EYS: variants seen among roughly 807,000 people sequenced by gnomAD.
The protein encoded by EYS is EGF-like photoreceptor maintenance factor.
Under a neutral mutation model 282.1 loss-of-function variants are expected in EYS, and 250 were observed. That is an observed-to-expected ratio of 0.89 (90% CI 0.80 to 0.98). The LOEUF (loss-of-function observed/expected upper bound fraction) is 0.98, where lower values mean the gene tolerates loss of function less well. EYS is among the 50% of genes least tolerant of loss of function. EYS has a pLI of 0.00. For synonymous variants in EYS, 1,355 were observed against 1,282.9 expected (o/e 1.06, Z -1.20); for missense variants, 4,016 against 3,709.0 (o/e 1.08, Z -2.15).
intron 19 of EYS, among the ~76,000 whole-genome samples, chr6:64,859,429 T>C (rs1284199213): frequency 1.4e-5 from 2 of 146,276 alleles, no homozygotes; most frequent in Non-Finnish European, 3.0e-5. Context: ...ATGAAGGAAT[T>C]GAATAAAACA....
chr6:64,488,204 CA>C (rs1291057666), intron 26 of EYS, among the ~76,000 whole-genome samples: 1 of 150,666 alleles, frequency 6.6e-6, no homozygotes, highest in East Asian at 1.9e-4. Context: ...ATAAATTCAC[CA>C]GAAGAATTTT....
At chr6:65,194,039 C>T (rs571955752) in intron 12 of EYS, among the ~76,000 whole-genome samples, 3 of 152,072 alleles carry the variant, frequency 2.0e-5, no homozygotes, top group African/African-American at 7.2e-5. Context: ...AATTCTTCAT[C>T]TGATGAGATA....
At chr6:64,292,700 C>T (rs1258070582) in intron 30 of EYS, among the ~76,000 whole-genome samples, 1 of 151,964 alleles carries the variant, frequency 6.6e-6, no homozygotes, top group Non-Finnish European at 1.5e-5. Context: ...GTGTTAGTTG[C>T]TTTTTGGAAA....
At chr6:64,059,196 T>C (rs1033303987) in intron 33 of EYS, among the ~76,000 whole-genome samples, 2 of 152,190 alleles carry the variant, frequency 1.3e-5, no homozygotes, top group African/African-American at 4.8e-5. Context: ...ATATTATAGA[T>C]GTACTTGCCA....
intron 1 of EYS, among the ~76,000 whole-genome samples, chr6:65,687,742 T>C (rs991508314): frequency 6.6e-6 from 1 of 152,146 alleles, no homozygotes; most frequent in Non-Finnish European, 1.5e-5. Context: ...AGTCTCAGGA[T>C]ACAAAATCAA....
At chr6:64,749,725 T>C (rs1011149354) in intron 22 of EYS, among the ~76,000 whole-genome samples, 2 of 152,168 alleles carry the variant, frequency 1.3e-5, no homozygotes, top group Non-Finnish European at 2.9e-5. Context: ...TTGAACAACT[T>C]GGACTAGAAA....
intron 12 of EYS, among the ~76,000 whole-genome samples, chr6:65,136,773 C>T (rs1406026765): frequency 6.6e-6 from 1 of 152,074 alleles, no homozygotes; most frequent in Non-Finnish European, 1.5e-5. Flanking sequence ...GCAACCTCTG[C>T]CTCTGGTGCT....
chr6:64,784,117 A>G (rs1200928180), intron 22 of EYS, among the ~76,000 whole-genome samples: 1 of 152,050 alleles, frequency 6.6e-6, no homozygotes, highest in Non-Finnish European at 1.5e-5. Flanking sequence ...TTATTTTTAT[A>G]ATTCTCAATA....
chr6:63,727,398 A>G (rs1180895764), intron 41 of EYS, among the ~76,000 whole-genome samples: 1 of 151,914 alleles, frequency 6.6e-6, no homozygotes, highest in Non-Finnish European at 1.5e-5. Flanking sequence ...TTTACTTTAG[A>G]TTGAATAATT....
chr6:64,122,794 G>C (rs1773633773), intron 31 of EYS, among the ~76,000 whole-genome samples: 1 of 152,028 alleles, frequency 6.6e-6, no homozygotes, highest in Admixed American at 6.5e-5. Flanking sequence ...AAATATAGTT[G>C]CATTATTGGG....
At chr6:64,686,783 A>ATGTGTG (rs1562133766) in intron 22 of EYS, among the ~76,000 whole-genome samples, 8 of 19,846 alleles carry the variant, frequency 4.0e-4, no homozygotes, top group Non-Finnish European at 2.4e-3. Flanking sequence ...ATATATATAT[A>ATGTGTG]TATATGTGTG....
chr6:65,213,860 G>A (rs1044318527), intron 12 of EYS, among the ~76,000 whole-genome samples: 1 of 152,010 alleles, frequency 6.6e-6, no homozygotes, highest in African/African-American at 2.4e-5. Flanking sequence ...AGCATGGTGA[G>A]GAAGGGATAC....
chr6:63,968,609 C>T (rs1766414218), intron 35 of EYS, among the ~76,000 whole-genome samples: 1 of 152,144 alleles, frequency 6.6e-6, no homozygotes, highest in African/African-American at 2.4e-5. Context: ...ATTAGCTATG[C>T]GATCTGCAGT....
chr6:64,566,814 C>G (rs1765580250), intron 26 of EYS, among the ~76,000 whole-genome samples: 1 of 152,076 alleles, frequency 6.6e-6, no homozygotes, highest in East Asian at 1.9e-4. Flanking sequence ...CACTCTATTG[C>G]CCAGGCTGGA....
At chr6:64,812,600 A>G (rs974071888) in intron 22 of EYS, among the ~76,000 whole-genome samples, 7 of 152,014 alleles carry the variant, frequency 4.6e-5, no homozygotes, top group African/African-American at 9.7e-5. Context: ...TAGAAATGAT[A>G]AGTATACTTT....
chr6:65,313,275 T>C (rs1371441902), intron 11 of EYS, among the ~76,000 whole-genome samples: 2 of 151,732 alleles, frequency 1.3e-5, no homozygotes, highest in Non-Finnish European at 2.9e-5. Context: ...CTAAAAACCA[T>C]CCAAATGTTG....
chr6:64,303,019 T>C (rs746939619), intron 30 of EYS, among the ~76,000 whole-genome samples: 2 of 152,014 alleles, frequency 1.3e-5, no homozygotes, highest in Non-Finnish European at 2.9e-5. Context: ...AGGACCCGCA[T>C]CCCCATGCTG....
intron 5 of EYS, among the ~76,000 whole-genome samples, chr6:65,484,629 T>G (rs1328046498): frequency 1.3e-5 from 2 of 152,172 alleles, no homozygotes; most frequent in Non-Finnish European, 2.9e-5. Flanking sequence ...AATGCTACTC[T>G]TCCAGCACAA....
At chr6:64,494,343 T>G (rs560474600) in intron 26 of EYS, among the ~76,000 whole-genome samples, 1 of 151,786 alleles carries the variant, frequency 6.6e-6, no homozygotes, top group East Asian at 1.9e-4. Context: ...CCAAATACCT[T>G]AGATATATTC....
Sources: allele counts gnomAD v4.1 joint callset (sites outside exome capture counted in the v4.1 genomes callset), GRCh38; gene constraint gnomAD v4.1.1; transcripts MANE v1.5; gene names NCBI Gene and HGNC (gene_info 2026-07-23, HGNC 2026-07-21).